The following INPP4B variants were observed in gnomAD, a reference collection of about 807,000 sequenced individuals.
The protein encoded by INPP4B is inositol polyphosphate 4-phosphatase type II.
A neutral mutation model predicts 122.5 loss-of-function variants in INPP4B; 55 were observed. The observed-to-expected ratio is 0.45, with a 90% confidence interval of 0.36 to 0.56. The LOEUF is 0.56. Ranked by LOEUF, INPP4B falls within the 20% of genes least tolerant of loss-of-function variation. The pLI is 0.00. For missense variants in INPP4B, 1,000 were observed against 1,097.7 expected (o/e 0.91, Z 1.26); for synonymous variants, 403 against 388.7 (o/e 1.04, Z -0.43).
At chr4:142,061,452 A>C (rs1760589418) in intron 25 of INPP4B, among the ~76,000 whole-genome samples, 1 of 152,188 alleles carries the variant, frequency 6.6e-6, no homozygotes, top group Non-Finnish European at 1.5e-5. Context: ...TAATGTGTAA[A>C]CAAACATTTT....
At chr4:142,704,206 G>A (rs555659739) in intron 2 of INPP4B, among the ~76,000 whole-genome samples, 2 of 152,244 alleles carry the variant, frequency 1.3e-5, no homozygotes, top group African/African-American at 4.8e-5. Context: ...AAACAAGCTG[G>A]GGCATGATGG....
At chr4:142,565,414 A>T (rs1731413728) in intron 2 of INPP4B, among the ~76,000 whole-genome samples, 1 of 152,220 alleles carries the variant, frequency 6.6e-6, no homozygotes, top group Admixed American at 6.5e-5. Flanking sequence ...ATCATAAGGG[A>T]TTATAACCTG....
At chr4:142,645,485 C>A (rs1224386811) in intron 2 of INPP4B, among the ~76,000 whole-genome samples, 3 of 152,134 alleles carry the variant, frequency 2.0e-5, no homozygotes. Flanking sequence ...CTCTTCCTTG[C>A]AGTTATGTGT....
chr4:142,835,271 A>G (rs1425209757), intron 1 of INPP4B, among the ~76,000 whole-genome samples: 1 of 152,214 alleles, frequency 6.6e-6, no homozygotes, highest in Non-Finnish European at 1.5e-5. Context: ...CTGAGACAGC[A>G]CTAGGAGATG....
chr4:142,445,649 T>C (rs1369661443), intron 3 of INPP4B, among the ~76,000 whole-genome samples: 1 of 151,928 alleles, frequency 6.6e-6, no homozygotes, highest in African/African-American at 2.4e-5. Context: ...AGAAAATCAG[T>C]GAGGATATAA....
chr4:142,641,669 T>C (rs1037412522), intron 2 of INPP4B, among the ~76,000 whole-genome samples: 6 of 152,026 alleles, frequency 3.9e-5, no homozygotes, highest in Non-Finnish European at 2.9e-5. Context: ...CAGTCTATCA[T>C]TGGACAATTT....
At chr4:142,149,813 A>C (rs1216724889) in intron 17 of INPP4B, among the ~76,000 whole-genome samples, 3 of 152,200 alleles carry the variant, frequency 2.0e-5, no homozygotes, top group Non-Finnish European at 4.4e-5. Flanking sequence ...CACAAAGGAC[A>C]TAAGTGACCT....
At position 142,684,701 on chromosome 4, in the gene INPP4B, A is replaced by T. The variant is rs552141503; in HGVS notation, c.-191+41138T>A. On this transcript the variant is annotated intron_variant, in intron 2 of 25. Coordinates refer to ENST00000262992, the MANE Select transcript of INPP4B (RefSeq NM_001101669.3). Reference sequence around the variant, plus strand: ...TGCATTTTCCTGAATATTCAGGGACATTATTTTTGAAAAGGTATCCTTGAT... The same window carrying T: ...TGCATTTTCCTGAATATTCAGGGACTTTATTTTTGAAAAGGTATCCTTGAT... 2.2e-4 allele frequency among the ~76,000 whole-genome samples: 34 copies of T among 152,212 alleles called. No homozygotes were observed. The South Asian group carries it at 7.0e-3, about 32-fold the overall frequency.
intron 2 of INPP4B, among the ~76,000 whole-genome samples, chr4:142,545,703 A>ATGTGTGTATATACACATGTGTGTG (rs1553955885): frequency 3.0e-3 from 346 of 114,700 alleles, no homozygotes; most frequent in Middle Eastern, 4.7e-3. Context: ...ATATGTGTAT[A>ATGTGTGTATATACACATGTGTGTG]TATATGTGTG....
At position 142,805,301 on chromosome 4, in the gene INPP4B, A is replaced by T. The variant is rs114818309; in HGVS notation, c.-254+40908T>A. Among the ~76,000 whole-genome samples, 763 of 152,352 alleles carry T rather than the reference A, an allele frequency of 5.0e-3. 2 individuals carry two copies. Among genetic ancestry groups the T allele is most frequent in the Admixed American group, 8.3e-3 (127 of 15,304 alleles). On this transcript the variant is annotated intron_variant, in intron 1 of 25. Coordinates refer to ENST00000262992, the MANE Select transcript of INPP4B (RefSeq NM_001101669.3). ...ATGTCCGCAATCACTGTTAATACTTAACATTATATAAGATGTATTAGGGGA... is the reference window on the plus strand; with the variant it reads ...ATGTCCGCAATCACTGTTAATACTTTACATTATATAAGATGTATTAGGGGA...
chr4:142,146,330 T>C (rs960785151), intron 17 of INPP4B, among the ~76,000 whole-genome samples: 3 of 152,186 alleles, frequency 2.0e-5, no homozygotes, highest in East Asian at 1.9e-4. Context: ...TCAACACTTA[T>C]TATGAAAGCA....
chr4:142,686,933 C>A (rs10519662), intron 2 of INPP4B, among the ~76,000 whole-genome samples: 215 of 151,972 alleles, frequency 1.4e-3, no homozygotes, highest in African/African-American at 5.1e-3. Context: ...GAGAACAAGA[C>A]TTATGCTTAG....
chr4:142,830,589 A>G (rs572664563), intron 1 of INPP4B, among the ~76,000 whole-genome samples: 2 of 152,132 alleles, frequency 1.3e-5, no homozygotes, highest in Admixed American at 6.6e-5. Context: ...GGCAGAGGAG[A>G]AGGAGAAGTG....
intron 18 of INPP4B, among the ~76,000 whole-genome samples, chr4:142,141,894 A>G (rs1179945402): frequency 6.6e-6 from 1 of 152,096 alleles, no homozygotes; most frequent in Non-Finnish European, 1.5e-5. Flanking sequence ...AAAAACTGTC[A>G]TAGGATTGAT....
At chr4:142,393,939 C>T (rs1418741378) in intron 7 of INPP4B, among the ~76,000 whole-genome samples, 1 of 152,236 alleles carries the variant, frequency 6.6e-6, no homozygotes, top group Non-Finnish European at 1.5e-5. Flanking sequence ...CTGAATCTTT[C>T]ATTGCTCAAT....
intron 2 of INPP4B, among the ~76,000 whole-genome samples, chr4:142,692,305 T>C (rs1760306705): frequency 6.6e-6 from 1 of 152,076 alleles, no homozygotes; most frequent in Admixed American, 6.6e-5. Flanking sequence ...GATAAAAAAA[T>C]AGAGAATATT....
chr4:142,174,390 T>A (rs1455227763), intron 15 of INPP4B, among the ~76,000 whole-genome samples: 1 of 152,086 alleles, frequency 6.6e-6, no homozygotes, highest in Non-Finnish European at 1.5e-5. Flanking sequence ...CTACCTAACA[T>A]TTCCCCCCAT....
intron 2 of INPP4B, among the ~76,000 whole-genome samples, chr4:142,532,300 G>A (rs965321436): frequency 5.3e-5 from 8 of 152,124 alleles, no homozygotes; most frequent in Admixed American, 5.2e-4. Context: ...GCCTTTCCAG[G>A]AATAGCCCTG....
chr4:142,395,940 C>A lies in INPP4B; in HGVS notation c.372+6998G>T, dbSNP rs1204528807. On this transcript the variant is annotated intron_variant, in intron 7 of 25. Coordinates refer to ENST00000262992, the MANE Select transcript of INPP4B (RefSeq NM_001101669.3). ...TTGCTAATTAATTAGTATAAAGTCCCAATTATGCAAGAAGAATAAGTTCTG... is the reference window on the plus strand; with the variant it reads ...TTGCTAATTAATTAGTATAAAGTCCAAATTATGCAAGAAGAATAAGTTCTG... Among the ~76,000 whole-genome samples, 3 of 151,952 alleles carry A rather than the reference C, an allele frequency of 2.0e-5. No individual in the cohort carries two copies. In the East Asian group the frequency reaches 5.8e-4, roughly 29 times the overall value.
Sources: allele counts gnomAD v4.1 joint callset (sites outside exome capture counted in the v4.1 genomes callset), GRCh38; gene constraint gnomAD v4.1.1; transcripts MANE v1.5; gene names NCBI Gene and HGNC (gene_info 2026-07-23, HGNC 2026-07-21).